Variants in PLXDC2 observed in about 807,000 individuals in gnomAD.
PLXDC2 encodes the protein plexin domain containing 2.
In PLXDC2, 40 loss-of-function variants were observed where a neutral mutation model predicts 68.9. The observed-to-expected ratio is 0.58, with a 90% CI of 0.45 to 0.76. The LOEUF is 0.76. PLXDC2 is among the 30% of genes least tolerant of loss of function. The pLI is 0.00. For missense variants in PLXDC2, 644 were observed against 661.9 expected (o/e 0.97, Z 0.30); for synonymous variants, 243 against 234.2 (o/e 1.04, Z -0.34).
intron 13 of PLXDC2, among the ~76,000 whole-genome samples, chr10:20,268,458 G>T (rs1835897650): frequency 6.6e-6 from 1 of 152,168 alleles, no homozygotes; most frequent in Non-Finnish European, 1.5e-5. Context: ...TTTTGCCCTA[G>T]TTTGACTGAT....
chr10:19,959,969 C>T (rs1042572433), intron 1 of PLXDC2, among the ~76,000 whole-genome samples: 1 of 152,164 alleles, frequency 6.6e-6, no homozygotes, highest in South Asian at 2.1e-4. Flanking sequence ...TGAAAATCCA[C>T]AGCATCTTTG....
chr10:20,167,043 A>G (rs1834385304), intron 7 of PLXDC2, among the ~76,000 whole-genome samples: 1 of 152,212 alleles, frequency 6.6e-6, no homozygotes, highest in Admixed American at 6.5e-5. Context: ...CATACTGGAA[A>G]AGCAGTCACA....
intron 13 of PLXDC2, among the ~76,000 whole-genome samples, chr10:20,265,003 T>C (rs1218143001): frequency 6.6e-6 from 1 of 152,136 alleles, no homozygotes; most frequent in African/African-American, 2.4e-5. Flanking sequence ...TTTTGTGCAC[T>C]TAGATAAAGA....
At chr10:19,835,689 G>C (rs914288) in intron 1 of PLXDC2, among the ~76,000 whole-genome samples, 4 of 152,156 alleles carry the variant, frequency 2.6e-5, no homozygotes, top group Non-Finnish European at 5.9e-5. Context: ...GCCCCCAGGC[G>C]GGAGATATAG....
At chr10:19,850,504 CA>C (rs1304005248) in intron 1 of PLXDC2, among the ~76,000 whole-genome samples, 1 of 152,084 alleles carries the variant, frequency 6.6e-6, no homozygotes, top group Non-Finnish European at 1.5e-5. Context: ...AGGCAAAATG[CA>C]AAGCAAATTT....
intron 2 of PLXDC2, among the ~76,000 whole-genome samples, chr10:20,020,814 T>C (rs562116169): frequency 6.6e-6 from 1 of 152,274 alleles, no homozygotes; most frequent in South Asian, 2.1e-4. Flanking sequence ...TTTTTTTCCT[T>C]ATACCCAAGA....
intron 1 of PLXDC2, among the ~76,000 whole-genome samples, chr10:19,916,848 A>G (rs1039442596): frequency 6.6e-5 from 10 of 152,202 alleles, no homozygotes; most frequent in African/African-American, 2.4e-4. Flanking sequence ...TCATCCAGGT[A>G]TACTCATGAT....
At chr10:20,127,081 G>T (rs1010307079) in intron 4 of PLXDC2, among the ~76,000 whole-genome samples, 13 of 151,868 alleles carry the variant, frequency 8.6e-5, no homozygotes, top group Admixed American at 3.9e-4. Context: ...TTAGATATTT[G>T]GGTGGAAAAA....
At chr10:19,947,966 A>C (rs1041970111) in intron 1 of PLXDC2, among the ~76,000 whole-genome samples, 1 of 152,124 alleles carries the variant, frequency 6.6e-6, no homozygotes, top group East Asian at 1.9e-4. Flanking sequence ...TAAGGGTCCA[A>C]TAAGATATTT....
chr10:20,132,173 T>C (rs1298885635), intron 4 of PLXDC2, among the ~76,000 whole-genome samples: 1 of 152,244 alleles, frequency 6.6e-6, no homozygotes, highest in African/African-American at 2.4e-5. Context: ...CCTCCTCTTA[T>C]TGATTTCTAA....
chr10:20,194,573 T>C (rs1205116462), intron 9 of PLXDC2, among the ~76,000 whole-genome samples: 5 of 152,054 alleles, frequency 3.3e-5, no homozygotes, highest in Admixed American at 3.3e-4. Flanking sequence ...ACAAATATGA[T>C]ATCTTTTGAA....
At chr10:20,237,879 G>C (rs1835455124) in intron 12 of PLXDC2, among the ~76,000 whole-genome samples, 2 of 152,122 alleles carry the variant, frequency 1.3e-5, no homozygotes, top group South Asian at 2.1e-4. Context: ...CAGGAGAAGA[G>C]TTAGTTCTAA....
intron 4 of PLXDC2, among the ~76,000 whole-genome samples, chr10:20,084,866 A>G (rs914977675): frequency 1.5e-5 from 2 of 133,282 alleles, no homozygotes; most frequent in Non-Finnish European, 3.1e-5. Context: ...GTGCTCACGA[A>G]GGCCGTGGCA....
At chr10:20,235,639 A>G (rs1345902002) in intron 12 of PLXDC2, among the ~76,000 whole-genome samples, 2 of 152,172 alleles carry the variant, frequency 1.3e-5, no homozygotes, top group Non-Finnish European at 2.9e-5. Flanking sequence ...TATTCTTTGA[A>G]GCCCCAAAGG....
At chr10:20,228,203 T>G (rs1181019024) in intron 12 of PLXDC2, among the ~76,000 whole-genome samples, 1 of 152,168 alleles carries the variant, frequency 6.6e-6, no homozygotes, top group African/African-American at 2.4e-5. Context: ...AATTTAGGCA[T>G]CAGCAGCGTA....
chr10:20,103,144 T>A (rs1390634339), intron 4 of PLXDC2, among the ~76,000 whole-genome samples: 1 of 152,172 alleles, frequency 6.6e-6, no homozygotes, highest in Non-Finnish European at 1.5e-5. Context: ...GGGACCACAG[T>A]GCTAAGGACC....
Position 20,147,793 on chromosome 10 carries a change from T to C in PLXDC2, c.674T>C (p.Leu225Pro), listed in dbSNP as rs762195084. ...TTCAATGGGTGTATAGGCACAGCAC[T>C]TGTGGTCCAGTGGGACCATGTACAT... ...TVRYFDNGTA[L>P]VVQWDHVHLQ... Residue 225 changes from leucine (L) to proline (P), a missense_variant, in exon 6 of 14, where the codon CTT (leucine) becomes CCT (proline). Physicochemically the swap from Leu to Pro is moderately conservative, Grantham distance 98 (BLOSUM62 -3). Transcript: ENST00000377252. 6.3e-6 allele frequency: 10 copies of C among 1,598,428 alleles called. No individual in the cohort carries two copies. Among genetic ancestry groups the C allele is most frequent in the African/African-American group, 2.7e-5 (2 of 74,594 alleles).
At chr10:20,260,348 A>G (rs1188671167) in intron 13 of PLXDC2, among the ~76,000 whole-genome samples, 2 of 152,010 alleles carry the variant, frequency 1.3e-5, no homozygotes, top group Non-Finnish European at 2.9e-5. Flanking sequence ...ACTTTCTCCC[A>G]TTTCCCTATT....
At chr10:20,255,607 CTAGCAAACA>C (rs1835732849) in intron 13 of PLXDC2, among the ~76,000 whole-genome samples, 1 of 152,032 alleles carries the variant, frequency 6.6e-6, no homozygotes, top group Admixed American at 6.6e-5. Flanking sequence ...GTATTCTTTT[CTAGCAAACA>C]TACCAAACAA....
Sources: gnomAD v4.1 joint callset for allele counts (sites outside exome capture counted in the v4.1 genomes callset) on GRCh38, gnomAD v4.1.1 for gene constraint, MANE v1.5 for transcripts, NCBI Gene and HGNC (gene_info 2026-07-23, HGNC 2026-07-21) for gene names.